SV2C: variants seen among roughly 807,000 people sequenced by gnomAD.
SV2C encodes the protein synaptic vesicle glycoprotein 2C.
SV2C carries 49 observed loss-of-function variants against 79.7 expected under a neutral mutation model. The observed-to-expected ratio is 0.61, with a 90% confidence interval of 0.49 to 0.78. SV2C has a LOEUF of 0.78. SV2C is among the 30% of genes least tolerant of loss of function. The pLI, the probability that SV2C is intolerant of heterozygous loss-of-function variation, is 0.00. For synonymous variants in SV2C, 334 were observed against 333.2 expected, an observed-to-expected ratio of 1.00 and a Z score of -0.03; for missense variants, 833 against 912.9, an observed-to-expected ratio of 0.91 and a Z score of 1.13.
chr5:76,046,478 A>G, the SV2C span, among the ~76,000 whole-genome samples: 26 of 152,334 alleles, frequency 1.7e-4, no homozygotes, highest in African/African-American at 6.3e-4. Context: ...GTATATGTCT[A>G]CTTCAAAACA....
intron 4 of SV2C, among the ~76,000 whole-genome samples, chr5:76,211,804 C>T (rs1056751745): frequency 2.0e-5 from 3 of 152,114 alleles, no homozygotes; most frequent in Non-Finnish European, 2.9e-5. Context: ...TGAGTTTTAA[C>T]ATGCTGAGTT....
intron 2 of SV2C, among the ~76,000 whole-genome samples, chr5:76,192,675 A>G (rs767041579): frequency 4.6e-5 from 7 of 152,212 alleles, no homozygotes; most frequent in Admixed American, 1.3e-4. Flanking sequence ...AGATCACACA[A>G]TCCACAAATG....
intron 2 of SV2C, among the ~76,000 whole-genome samples, chr5:76,149,648 G>A (rs1213050754): frequency 6.6e-6 from 1 of 152,192 alleles, no homozygotes; most frequent in Admixed American, 6.5e-5. Flanking sequence ...GAAGTTTTGT[G>A]TGCCATTTTT....
At chr5:76,227,112 T>A (rs1745274622) in intron 4 of SV2C, among the ~76,000 whole-genome samples, 1 of 152,164 alleles carries the variant, frequency 6.6e-6, no homozygotes, top group Non-Finnish European at 1.5e-5. Context: ...ACACCTTACA[T>A]GAGAAGTACC....
chr5:76,104,699 G>A (rs1353794728), intron 1 of SV2C, among the ~76,000 whole-genome samples: 1 of 152,188 alleles, frequency 6.6e-6, no homozygotes, highest in African/African-American at 2.4e-5. Flanking sequence ...CTAGAGATGG[G>A]ACTCTGCAGA....
At chr5:75,962,377 A>C in the SV2C span, among the ~76,000 whole-genome samples, 1 of 152,132 alleles carries the variant, frequency 6.6e-6, no homozygotes, top group Non-Finnish European at 1.5e-5. Flanking sequence ...ACATGAAAAA[A>C]GAGTATTAGA....
In SV2C at chr5:76,316,812, C is replaced by A. The variant is rs1237740348; in HGVS notation, c.2001-8552C>A. ...AGTCTTGTCCAGCCCCCCTGAGAAG[C>A]TTTCCTTCAACTGCCACTACCCTCA... On this transcript the variant is annotated intron_variant, in intron 12 of 12. Coordinates refer to ENST00000502798, the MANE Select transcript of SV2C (RefSeq NM_014979.4). Among the ~76,000 whole-genome samples, 3 of 152,130 alleles carry A rather than the reference C, an allele frequency of 2.0e-5. No individual in the cohort carries two copies. In the East Asian group the frequency reaches 5.8e-4, roughly 29 times the overall value.
At chr5:76,008,390 C>A in the SV2C span, among the ~76,000 whole-genome samples, 1 of 152,104 alleles carries the variant, frequency 6.6e-6, no homozygotes, top group South Asian at 2.1e-4. Flanking sequence ...ATATTTTTCA[C>A]CTATATCCAC....
At chr5:75,929,236 C>T in the SV2C span, among the ~76,000 whole-genome samples, 1 of 152,000 alleles carries the variant, frequency 6.6e-6, no homozygotes, top group Non-Finnish European at 1.5e-5. Context: ...CCACCTCGCT[C>T]TGAGTCTCCC....
chr5:76,299,156 C>CA (rs1169032066), intron 10 of SV2C, among the ~76,000 whole-genome samples: 2 of 152,028 alleles, frequency 1.3e-5, no homozygotes, highest in African/African-American at 2.4e-5. Flanking sequence ...ACAACAACAA[C>CA]AAAAAAATCC....
At chr5:76,222,622 G>A (rs1389556230) in intron 4 of SV2C, among the ~76,000 whole-genome samples, 1 of 152,148 alleles carries the variant, frequency 6.6e-6, no homozygotes, top group Non-Finnish European at 1.5e-5. Flanking sequence ...CCATGCTTTC[G>A]ATGTTGTCTA....
rs575549044 is a variant in SV2C, at chr5:76,216,847, G to C, written c.913+6960G>C. Among the ~76,000 whole-genome samples the C allele has an allele frequency of 2.6e-5, 4 of 152,302 alleles. No homozygotes were observed. In the East Asian group the frequency reaches 7.7e-4, roughly 29 times the overall value. ...AATGGGAACAGAGAGCTGAATCACA[G>C]GCACTTTCTATGTTGGCTGAGAGCT... On this transcript the variant is annotated intron_variant, in intron 4 of 12. Coordinates refer to ENST00000502798, the MANE Select transcript of SV2C (RefSeq NM_014979.4).
At chr5:75,910,733 C>A in the SV2C span, 1 of 1,371,392 alleles carries the variant, frequency 7.3e-7, no homozygotes, top group Non-Finnish European at 1.0e-6. Context: ...GTTTGAAGAT[C>A]TGAACCAAAA....
intron 1 of SV2C, among the ~76,000 whole-genome samples, chr5:76,087,012 G>A (rs1747221194): frequency 6.6e-6 from 1 of 152,114 alleles, no homozygotes; most frequent in Non-Finnish European, 1.5e-5. Flanking sequence ...TTCTTTCCAG[G>A]AAATAGAGAA....
chr5:76,281,105 A>G, intron 4 of SV2C: 2 of 542,606 alleles, frequency 3.7e-6, no homozygotes, highest in Non-Finnish European at 7.5e-6. Context: ...AAAGCAGTAG[A>G]GAATTACCTT....
chr5:76,213,967 TTGTCTTTTCA>T (rs1449421705), intron 4 of SV2C, among the ~76,000 whole-genome samples: 1 of 152,194 alleles, frequency 6.6e-6, no homozygotes, highest in Non-Finnish European at 1.5e-5. Context: ...TGTGCAATAT[TTGTCTTTTCA>T]TGTCTGGCCT....
chr5:76,211,276 C>T lies in SV2C; in HGVS notation c.913+1389C>T, dbSNP rs574651397. On this transcript the variant is annotated intron_variant, in intron 4 of 12. Transcript: ENST00000502798. ...CACTCCCAGATCCCCTCCTCAGTTT[C>T]TCCTAAGCTCTTACTGTTTCTGCTG... is the stretch of plus-strand genomic sequence containing the variant. Among the ~76,000 whole-genome samples the T allele has an allele frequency of 7.9e-4, 120 of 152,278 alleles. No individual in the cohort carries two copies. In the South Asian group the frequency reaches 1.0e-2, roughly 13 times the overall value.
chr5:75,981,195 C>G, the SV2C span, among the ~76,000 whole-genome samples: 3 of 151,868 alleles, frequency 2.0e-5, no homozygotes, highest in Non-Finnish European at 4.4e-5. Flanking sequence ...ACTATACAAA[C>G]CACTGCTCAA....
intron 2 of SV2C, among the ~76,000 whole-genome samples, chr5:76,139,618 A>G (rs1159945203): frequency 1.3e-5 from 2 of 152,166 alleles, no homozygotes; most frequent in Admixed American, 1.3e-4. Flanking sequence ...CTGAGGTCCA[A>G]ACCAGTCTTG....
Sources: gnomAD v4.1 joint callset for allele counts (sites outside exome capture counted in the v4.1 genomes callset) on GRCh38, gnomAD v4.1.1 for gene constraint, MANE v1.5 for transcripts, NCBI Gene and HGNC (gene_info 2026-07-23, HGNC 2026-07-21) for gene names.